Variants in GALNT9 observed in about 807,000 individuals in gnomAD.
GALNT9 encodes the protein GalNAc transferase 9.
In GALNT9, 47 loss-of-function variants were observed where a neutral mutation model predicts 63.1. That is an observed-to-expected ratio of 0.75 (90% CI 0.59 to 0.95). The LOEUF is 0.95. Ranked by LOEUF, GALNT9 falls within the 40% of genes least tolerant of loss-of-function variation. The pLI, the probability that GALNT9 is intolerant of heterozygous loss-of-function variation, is 0.00. For synonymous variants in GALNT9, 396 were observed against 365.7 expected (o/e 1.08, Z -0.94); for missense variants, 829 against 874.8 (o/e 0.95, Z 0.66).
Position 132,264,627 on chromosome 12 carries a change from C to A in GALNT9, c.420-2002G>T, listed in dbSNP as rs2135546612. On this transcript the variant is annotated intron_variant, in intron 2 of 10. Transcript: ENST00000328957. ...ACCTTCCAGGGGTTTGAGTCCAGGG[C>A]AGCAAACCCACCTGTCTTCCCAGGA... 2.0e-5 allele frequency among the ~76,000 whole-genome samples: 3 copies of A among 152,354 alleles called. No homozygotes were observed. The South Asian group carries it at 6.2e-4, about 32-fold the overall frequency.
chr12:132,223,086 C>CCCCACAT, intron 6 of GALNT9, among the ~76,000 whole-genome samples: 1 of 111,194 alleles, frequency 9.0e-6, no homozygotes, highest in Non-Finnish European at 1.8e-5. Context: ...ACCCCACACA[C>CCCCACAT]ACACCCCACA....
rs1878087532 is a variant in GALNT9, at chr12:132,238,498, A to G, written c.1077+9412T>C. 6.6e-6 allele frequency among the ~76,000 whole-genome samples: 1 copy of G among 152,140 alleles called. No homozygotes were observed. Among genetic ancestry groups the G allele is most frequent in the Admixed American group, 6.5e-5 (1 of 15,286 alleles). The stretch of plus-strand genomic sequence containing the variant: ...GACATTGTGCCACTGCTGGTGCCAG[A>G]GAGACCACGGTTTTGCAGATGCCCA... On this transcript the variant is annotated intron_variant, in intron 6 of 10. Transcript: ENST00000328957. The surrounding 1 kb of genome is among the most constrained non-coding windows in gnomAD (Gnocchi z 6.5).
chr12:132,249,752 G>C (rs190567635), intron 5 of GALNT9, among the ~76,000 whole-genome samples: 49 of 152,354 alleles, frequency 3.2e-4, no homozygotes, highest in African/African-American at 1.2e-3. Flanking sequence ...GGCAAGGGAG[G>C]CAGCACCAGC....
Position 132,260,968 on chromosome 12 carries a change from G to A in GALNT9, c.741C>T (p.His247=), listed in dbSNP as rs782219294. The change falls in exon 4 of 11, where the codon CAC becomes CAT. Residue 247 remains histidine (H), a synonymous_variant. Coordinates refer to ENST00000328957, the MANE Select transcript of GALNT9 (RefSeq NM_001122636.2). ...TAPVVGFFDA[H]VEFNTGWAEP... ...CTTACCAGCCCGTGTTGAACTCGAC[G>A]TGGGCATCAAAGAAGCCGACGACTG... 10 of 1,547,088 alleles carry A rather than the reference G, an allele frequency of 6.5e-6. No individual in the cohort carries two copies. The highest frequency in any genetic ancestry group is 6.0e-5 in the South Asian group (5 of 83,704).
Position 132,205,196 on chromosome 12 carries a change from C to A in GALNT9, c.1078-1506G>T, listed in dbSNP as rs79257154. ...CCCAAAGAGGGCCACACTCACACGT[C>A]CCCTAGCTGCATCCTCCGGGGGTCG... On this transcript the variant is annotated intron_variant, in intron 6 of 10. Transcript: ENST00000328957. 8.5e-3 allele frequency among the ~76,000 whole-genome samples: 1,294 copies of A among 152,238 alleles called. 5 individuals are homozygous for A. The highest frequency in any genetic ancestry group is 0.014 in the Non-Finnish European group (930 of 67,994).
At chr12:132,306,827 G>A (rs932866044) in intron 1 of GALNT9, among the ~76,000 whole-genome samples, 11 of 152,180 alleles carry the variant, frequency 7.2e-5, no homozygotes, top group South Asian at 2.1e-4. Context: ...CACACCCGCC[G>A]CGTGCCCGTG....
At chr12:132,322,622 C>A (rs1031215518) in intron 1 of GALNT9, among the ~76,000 whole-genome samples, 3 of 152,186 alleles carry the variant, frequency 2.0e-5, no homozygotes, top group Non-Finnish European at 4.4e-5. Context: ...CCCCCTCCTA[C>A]TTCCAGAACG....
intron 2 of GALNT9, among the ~76,000 whole-genome samples, chr12:132,270,255 C>G (rs1160227437): frequency 7.9e-5 from 12 of 152,208 alleles, no homozygotes; most frequent in Non-Finnish European, 1.8e-4. Context: ...GTGTGAGAAA[C>G]AGAAGTTGTC....
At chr12:132,199,784 G>A (rs1287176079) in intron 8 of GALNT9, among the ~76,000 whole-genome samples, 2 of 152,232 alleles carry the variant, frequency 1.3e-5, no homozygotes, top group Admixed American at 1.3e-4. Context: ...TCCAGAACAG[G>A]CCCATCGGAG....
chr12:132,217,649 TCATC>T (rs1292890753), intron 6 of GALNT9, among the ~76,000 whole-genome samples: 13 of 137,106 alleles, frequency 9.5e-5, no homozygotes, highest in African/African-American at 3.1e-4. Context: ...ATCCACCCAC[TCATC>T]CATCCATTCC....
intron 1 of GALNT9, among the ~76,000 whole-genome samples, chr12:132,301,830 G>A (rs55661478): frequency 0.16 from 25,075 of 152,222 alleles, 2,259 homozygotes; most frequent in African/African-American, 0.25. Flanking sequence ...CTTCAAGATG[G>A]AGGGGTCTGC....
chr12:132,310,835 G>A lies in GALNT9; in HGVS notation c.238+18131C>T, dbSNP rs1566021729. ...CTAGGTGTGGCTGTGGCCTGAGGGAGGTGATCCCCAAACAGCCCAAACCCG... is the reference window on the plus strand; with the variant it reads ...CTAGGTGTGGCTGTGGCCTGAGGGAAGTGATCCCCAAACAGCCCAAACCCG... On this transcript the variant is annotated intron_variant, in intron 1 of 10. Coordinates refer to ENST00000328957, the MANE Select transcript of GALNT9 (RefSeq NM_001122636.2). This position sits in a 1 kb window ranked among gnomAD's most constrained non-coding sequence, Gnocchi z 4.8. Among the ~76,000 whole-genome samples the A allele has an allele frequency of 6.6e-6, 1 of 152,134 alleles. No homozygotes were observed. Among genetic ancestry groups the A allele is most frequent in the Non-Finnish European group, 1.5e-5 (1 of 68,030 alleles).
chr12:132,304,046 C>G (rs182463710), intron 1 of GALNT9, among the ~76,000 whole-genome samples: 1 of 38,204 alleles, frequency 2.6e-5, no homozygotes, highest in Non-Finnish European at 4.8e-5. Context: ...CCCGGACACA[C>G]CCTCACCCGG....
At chr12:132,321,050 C>T (rs564861779) in intron 1 of GALNT9, among the ~76,000 whole-genome samples, 3 of 152,290 alleles carry the variant, frequency 2.0e-5, no homozygotes, top group African/African-American at 4.8e-5. Context: ...GGCGTCCCAG[C>T]GGGGAGGAGG....
intron 6 of GALNT9, among the ~76,000 whole-genome samples, chr12:132,211,752 A>G (rs1876963465): frequency 6.6e-6 from 1 of 152,186 alleles, no homozygotes; most frequent in South Asian, 2.1e-4. Flanking sequence ...ATTTGTGGGA[A>G]TTAGGAGATG....
chr12:132,317,822 G>T (rs75258426), intron 1 of GALNT9, among the ~76,000 whole-genome samples: 1 of 152,080 alleles, frequency 6.6e-6, no homozygotes, highest in Admixed American at 6.5e-5. Flanking sequence ...GCTGCACAGG[G>T]GCTGCTGGGA....
chr12:132,305,398 G>C (rs1385438268), intron 1 of GALNT9, among the ~76,000 whole-genome samples: 325 of 5,630 alleles, frequency 0.058, no homozygotes, highest in Middle Eastern at 0.12. Context: ...CATCCTCACC[G>C]GGGCACACCC....
chr12:132,319,892 G>A lies in GALNT9; in HGVS notation c.238+9074C>T, dbSNP rs1868701842. On this transcript the variant is annotated intron_variant, in intron 1 of 10. Transcript: ENST00000328957. This position sits in a 1 kb window ranked among gnomAD's most constrained non-coding sequence, Gnocchi z 5.2. ...CACCCTCAGCCTCCGGAGGTTCGGAGGCACTCACTGACCCCGCCATGCAGG... is the reference window on the plus strand; with the variant it reads ...CACCCTCAGCCTCCGGAGGTTCGGAAGCACTCACTGACCCCGCCATGCAGG... Among the ~76,000 whole-genome samples, 1 of 152,216 alleles carries A rather than the reference G, an allele frequency of 6.6e-6. No individual in the cohort carries two copies. Among genetic ancestry groups the A allele is most frequent in the Non-Finnish European group, 1.5e-5 (1 of 68,036 alleles).
rs1868698528 is a variant in GALNT9 at position 132,319,848 on chromosome 12, G to A, written c.238+9118C>T. 6.6e-6 allele frequency among the ~76,000 whole-genome samples: 1 copy of A among 152,204 alleles called. No individual in the cohort carries two copies. The highest frequency in any genetic ancestry group is 1.5e-5 in the Non-Finnish European group (1 of 68,044). On this transcript the variant is annotated intron_variant, in intron 1 of 10. Transcript: ENST00000328957. This position sits in a 1 kb window ranked among gnomAD's most constrained non-coding sequence, Gnocchi z 5.2. ...CTTCTAGGGAGAAGCCGGATTTCCT[G>A]TAGAACCTGTGTCTTCTCCACCCTC... is the stretch of plus-strand genomic sequence containing the variant.
Sources: allele counts gnomAD v4.1 joint callset (sites outside exome capture counted in the v4.1 genomes callset), GRCh38; gene constraint gnomAD v4.1.1; non-coding constraint Gnocchi (gnomAD v3.1); transcripts MANE v1.5; gene names NCBI Gene and HGNC (gene_info 2026-07-23, HGNC 2026-07-21).